Variants in COL5A2 observed in about 807,000 individuals in gnomAD.
COL5A2 encodes collagen alpha-2(V) chain.
A neutral mutation model predicts 208.2 loss-of-function variants in COL5A2; 23 were observed. The ratio of observed to expected loss-of-function variants is 0.11; its 90% CI spans 0.08 to 0.16. The LOEUF (loss-of-function observed/expected upper bound fraction) is 0.16. Among genes scored for constraint, COL5A2 ranks in the 10% least tolerant of loss-of-function variants. COL5A2 has a pLI of 1.00. For synonymous variants in COL5A2, 625 were observed against 628.5 expected, an observed-to-expected ratio of 0.99 and a Z score of 0.08; for missense variants, 1,590 against 1,956.4, an observed-to-expected ratio of 0.81 and a Z score of 3.53.
intron 42 of COL5A2, 107 bp downstream of exon 42, chr2:189,051,213 A>G: frequency 1.4e-6 from 2 of 1,413,934 alleles, no homozygotes; most frequent in Non-Finnish European, 2.0e-6. Flanking sequence ...AATTTTAGGA[A>G]TGTGCCCAGC....
intron 1 of COL5A2, among the ~76,000 whole-genome samples, chr2:189,213,551 AGAG>A (rs1054182833): frequency 6.6e-6 from 1 of 152,334 alleles, no homozygotes; most frequent in East Asian, 1.9e-4. Context: ...TATAGAGGGA[AGAG>A]GAACTGCACC....
rs774138379 is a variant in COL5A2, at chr2:189,097,282, T to G, written c.451A>C (p.Arg151=). The change falls in exon 6 of 54, where the codon AGA becomes CGA. Residue 151 remains arginine, a synonymous_variant. Transcript: ENST00000374866. The part of the protein sequence containing the change: ...GPRGERGPKG[R]PGPRGPQGID... ...GAGCCCTCCTGTCAACTTACAGGTC[T>G]TCCTTTTGGCCCTCGCTCTCCTCTT... 1 of 1,614,060 alleles carries G rather than the reference T, an allele frequency of 6.2e-7. No individual in the cohort carries two copies. Among genetic ancestry groups the G allele is most frequent in the African/African-American group, 1.3e-5 (1 of 74,936 alleles).
rs200974354 is a variant in COL5A2 at position 189,072,824 on chromosome 2, GTGGATATTTA to G, written c.1105-741_1105-732del. Among the ~76,000 whole-genome samples the G allele has an allele frequency of 7.0e-3, 1,033 of 147,426 alleles. 11 individuals carry two copies. Among genetic ancestry groups the G allele is most frequent in the African/African-American group, 0.025 (986 of 39,868 alleles). ...TTTAGAGAGGTTTTTCAGGCAATAA[GTGGATATTTA>G]TGGATATTTATATTACCCTACATTT... On this transcript the variant is annotated intron_variant, in intron 17 of 53. Coordinates refer to ENST00000374866, the MANE Select transcript of COL5A2 (RefSeq NM_000393.5).
chr2:189,376,519 T>C, the COL5A2 span, among the ~76,000 whole-genome samples: 2 of 151,590 alleles, frequency 1.3e-5, no homozygotes, highest in African/African-American at 4.8e-5. Flanking sequence ...TGCTAATTAT[T>C]GTAGCATTCT....
At chr2:189,368,522 T>C in the COL5A2 span, among the ~76,000 whole-genome samples, 5 of 152,298 alleles carry the variant, frequency 3.3e-5, no homozygotes, top group African/African-American at 1.2e-4. Context: ...TATTCAGCAG[T>C]TGAATTCCTG....
chr2:189,052,366 C>A (rs72902380), intron 40 of COL5A2, 141 bp from the exon 41 acceptor site: 2 of 797,428 alleles, frequency 2.5e-6, no homozygotes, highest in Non-Finnish European at 4.2e-6. Context: ...TTTCTTCGTA[C>A]GAATCCCATA....
the COL5A2 span, among the ~76,000 whole-genome samples, chr2:189,430,131 C>A: frequency 1.1e-4 from 16 of 152,306 alleles, no homozygotes; most frequent in African/African-American, 3.8e-4. Context: ...TTGCACTGCA[C>A]CTACCTCCCA....
chr2:189,381,514 G>C, the COL5A2 span, among the ~76,000 whole-genome samples: 1 of 151,920 alleles, frequency 6.6e-6, no homozygotes, highest in Admixed American at 6.5e-5. Context: ...ATGGAAGGAA[G>C]ATACTTTGTT....
At chr2:189,306,197 A>C in the COL5A2 span, among the ~76,000 whole-genome samples, 11 of 152,186 alleles carry the variant, frequency 7.2e-5, no homozygotes, top group African/African-American at 2.7e-4. Flanking sequence ...GGGTTCCAGG[A>C]ATCAGGGAGG....
At chr2:189,367,430 G>A in the COL5A2 span, among the ~76,000 whole-genome samples, 6 of 152,112 alleles carry the variant, frequency 3.9e-5, no homozygotes, top group African/African-American at 9.7e-5. Context: ...TTTATTGAAC[G>A]TAATTACTAC....
the COL5A2 span, among the ~76,000 whole-genome samples, chr2:189,265,746 A>C: frequency 6.6e-6 from 1 of 152,250 alleles, no homozygotes; most frequent in Non-Finnish European, 1.5e-5. Context: ...ATTAGCCACC[A>C]GGAAATCAAA....
the COL5A2 span, among the ~76,000 whole-genome samples, chr2:189,375,142 G>A: frequency 6.6e-6 from 1 of 151,668 alleles, no homozygotes; most frequent in East Asian, 2.0e-4. Flanking sequence ...TCAGCCTCCT[G>A]AGTAGTTGGG....
the COL5A2 span, among the ~76,000 whole-genome samples, chr2:189,361,611 A>T: frequency 4.0e-5 from 6 of 151,890 alleles, no homozygotes; most frequent in Non-Finnish European, 7.4e-5. Flanking sequence ...TTACATTCAA[A>T]TTTATTATTG....
At chr2:189,367,516 C>T in the COL5A2 span, among the ~76,000 whole-genome samples, 1 of 152,180 alleles carries the variant, frequency 6.6e-6, no homozygotes, top group African/African-American at 2.4e-5. Flanking sequence ...CCAGTGCTGT[C>T]AAAGCACAAC....
intron 1 of COL5A2, among the ~76,000 whole-genome samples, chr2:189,170,238 T>G (rs1688547059): frequency 6.6e-6 from 1 of 152,164 alleles, no homozygotes; most frequent in African/African-American, 2.4e-5. Context: ...AAACCTAAAT[T>G]TGAATTCGGA....
chr2:189,122,119 A>T (rs1687514265), intron 1 of COL5A2, among the ~76,000 whole-genome samples: 1 of 152,212 alleles, frequency 6.6e-6, no homozygotes, highest in Non-Finnish European at 1.5e-5. Flanking sequence ...TCTTTTAACA[A>T]ATATTTACTA....
At chr2:189,367,316 TAGTC>T in the COL5A2 span, among the ~76,000 whole-genome samples, 4 of 152,166 alleles carry the variant, frequency 2.6e-5, no homozygotes, top group Non-Finnish European at 5.9e-5. Context: ...CAAACTATGA[TAGTC>T]AGTCCCTCAA....
At chr2:189,062,595 T>G (rs1418778152) in intron 29 of COL5A2, among the ~76,000 whole-genome samples, 1 of 152,156 alleles carries the variant, frequency 6.6e-6, no homozygotes, top group East Asian at 1.9e-4. Context: ...TTTCTTCAGT[T>G]GATATAGTCC....
chr2:189,036,437 A>G (rs1685445112), intron 52 of COL5A2, among the ~76,000 whole-genome samples, 179 bp downstream of exon 52: 2 of 152,160 alleles, frequency 1.3e-5, no homozygotes, highest in South Asian at 4.1e-4. Flanking sequence ...CTTCACTCAT[A>G]GCAAAACCTT....
Sources: gnomAD v4.1 joint callset for allele counts (sites outside exome capture counted in the v4.1 genomes callset) on GRCh38, gnomAD v4.1.1 for gene constraint, MANE v1.5 for transcripts, NCBI Gene and HGNC (gene_info 2026-07-23, HGNC 2026-07-21) for gene names.